The following SCFD2 variants were observed in gnomAD, a reference collection of about 807,000 sequenced individuals.
SCFD2 encodes the protein sec1 family domain-containing protein 2.
SCFD2 carries 54 observed loss-of-function variants against 58.9 expected under a neutral mutation model. That is an observed-to-expected ratio of 0.92 (90% CI 0.74 to 1.15). The LOEUF (loss-of-function observed/expected upper bound fraction) is 1.15. SCFD2 is among the 50% of genes most tolerant of loss of function. The pLI, the probability that SCFD2 is intolerant of heterozygous loss-of-function variation, is 0.00. For synonymous variants in SCFD2, 321 were observed against 335.9 expected (o/e 0.96, Z 0.49); for missense variants, 805 against 836.6 (o/e 0.96, Z 0.47).
intron 5 of SCFD2, among the ~76,000 whole-genome samples, chr4:53,050,591 C>T (rs1248569241): frequency 6.6e-6 from 1 of 152,162 alleles, no homozygotes; most frequent in Non-Finnish European, 1.5e-5. Context: ...CAGGAAAAAG[C>T]CAGGCAGATA....
chr4:53,200,318 C>A (rs1456099799), intron 4 of SCFD2, among the ~76,000 whole-genome samples: 2 of 151,872 alleles, frequency 1.3e-5, no homozygotes. Context: ...TAAACAACAG[C>A]CTCTCCTATT....
chr4:53,248,163 G>C (rs757996074), intron 4 of SCFD2, among the ~76,000 whole-genome samples: 1 of 152,182 alleles, frequency 6.6e-6, no homozygotes, highest in Non-Finnish European at 1.5e-5. Flanking sequence ...AGGGGTGACA[G>C]ACGGCACCTT....
At chr4:53,203,222 A>G (rs1474674621) in intron 4 of SCFD2, among the ~76,000 whole-genome samples, 1 of 152,176 alleles carries the variant, frequency 6.6e-6, no homozygotes, top group East Asian at 1.9e-4. Context: ...ATTTATTGAG[A>G]GATTTTAGCC....
At chr4:53,213,389 G>C (rs1232863051) in intron 4 of SCFD2, among the ~76,000 whole-genome samples, 2 of 152,002 alleles carry the variant, frequency 1.3e-5, no homozygotes, top group Admixed American at 6.6e-5. Flanking sequence ...CGTCTGACTT[G>C]ATTCATTTCT....
At chr4:53,205,362 G>A (rs1728374057) in intron 4 of SCFD2, among the ~76,000 whole-genome samples, 1 of 151,968 alleles carries the variant, frequency 6.6e-6, no homozygotes, top group Admixed American at 6.6e-5. Context: ...AAATAAAGAG[G>A]TCCAAGAAAA....
intron 5 of SCFD2, among the ~76,000 whole-genome samples, chr4:53,093,999 T>C (rs759786431): frequency 1.3e-5 from 2 of 152,170 alleles, no homozygotes; most frequent in Non-Finnish European, 2.9e-5. Flanking sequence ...ATTATTTATA[T>C]ACCTTAGTTA....
In SCFD2 at chr4:53,273,838, C is replaced by A. The variant is rs147943638; in HGVS notation, c.1299G>T (p.Arg433Ser). The A allele has an allele frequency of 1.2e-6, 2 of 1,612,466 alleles. No homozygotes were observed. Among genetic ancestry groups the A allele is most frequent in the Non-Finnish European group, 1.7e-6 (2 of 1,179,248 alleles). ...AKWDNFLAFE[R>S]LLLQSIGESA... Reference sequence around the variant, plus strand: ...CATAGCAACATACCTGAAGAAGGAGCCTTTCAAAAGCCAGAAAGTTGTCCC... The same window carrying A: ...CATAGCAACATACCTGAAGAAGGAGACTTTCAAAAGCCAGAAAGTTGTCCC... The change falls in exon 4 of 9, where the codon AGG becomes AGT. Residue 433 changes from arginine (R) to serine (S), a missense_variant. By Grantham distance (110) the Arg-to-Ser change is moderately radical. Transcript: ENST00000401642.
intron 4 of SCFD2, among the ~76,000 whole-genome samples, chr4:53,238,222 C>T (rs1729738418): frequency 7.3e-6 from 1 of 136,972 alleles, no homozygotes; most frequent in Non-Finnish European, 1.6e-5. Context: ...GCTGGCCGGG[C>T]AGAGGGGCTC....
intron 5 of SCFD2, among the ~76,000 whole-genome samples, chr4:53,062,396 A>G (rs1723541309): frequency 1.3e-5 from 2 of 150,538 alleles, no homozygotes; most frequent in Non-Finnish European, 3.0e-5. Context: ...AATAACAATA[A>G]TAATAATAAT....
rs369657309 is a variant in SCFD2 at position 53,248,229 on chromosome 4, G to A, written c.1311+25597C>T. 8.7e-3 allele frequency among the ~76,000 whole-genome samples: 1,321 copies of A among 152,308 alleles called. 21 individuals carry two copies. Among genetic ancestry groups the A allele is most frequent in the African/African-American group, 0.03 (1,237 of 41,562 alleles). On this transcript the variant is annotated intron_variant, in intron 4 of 8. Coordinates refer to ENST00000401642, the MANE Select transcript of SCFD2 (RefSeq NM_152540.4). Reference sequence around the variant, plus strand: ...CGCTTTTCTGACGGGCTTAGGAAACGGCGCACCAGGAAATTATATCCCGCA... The same window carrying A: ...CGCTTTTCTGACGGGCTTAGGAAACAGCGCACCAGGAAATTATATCCCGCA...
intron 5 of SCFD2, among the ~76,000 whole-genome samples, chr4:52,995,620 T>C (rs1006299155): frequency 4.6e-5 from 7 of 152,276 alleles, no homozygotes; most frequent in African/African-American, 1.7e-4. Flanking sequence ...TCTCCTTTCA[T>C]GTCTTTCACA....
chr4:53,000,095 G>A (rs57915428), intron 5 of SCFD2, among the ~76,000 whole-genome samples: 28,848 of 152,216 alleles, frequency 0.19, 2,914 homozygotes, highest in Middle Eastern at 0.29. Context: ...CTCACTAAAT[G>A]GTGGGACTGG....
At chr4:53,232,350 C>T (rs1027949070) in intron 4 of SCFD2, among the ~76,000 whole-genome samples, 8 of 151,960 alleles carry the variant, frequency 5.3e-5, no homozygotes, top group South Asian at 2.1e-4. Context: ...GAAAGCTCCA[C>T]GTGGAAGGGT....
intron 5 of SCFD2, among the ~76,000 whole-genome samples, chr4:52,971,163 T>C (rs1483069422): frequency 6.6e-6 from 1 of 152,082 alleles, no homozygotes; most frequent in Non-Finnish European, 1.5e-5. Flanking sequence ...CAAAGCTGGA[T>C]GGAGAATGAC....
chr4:52,899,542 T>C (rs1392474224), intron 7 of SCFD2, among the ~76,000 whole-genome samples: 2 of 152,218 alleles, frequency 1.3e-5, no homozygotes, highest in African/African-American at 4.8e-5. Flanking sequence ...TGGGCTTCCC[T>C]TTGTGGGTAA....
intron 5 of SCFD2, among the ~76,000 whole-genome samples, chr4:52,993,085 T>C (rs917173119): frequency 1.3e-5 from 2 of 152,170 alleles, no homozygotes; most frequent in Non-Finnish European, 2.9e-5. Context: ...TGTTAATCTA[T>C]AACCTTACCC....
At chr4:53,015,073 T>C (rs779130810) in intron 5 of SCFD2, among the ~76,000 whole-genome samples, 2 of 152,072 alleles carry the variant, frequency 1.3e-5, no homozygotes, top group Admixed American at 1.3e-4. Flanking sequence ...AGTCAGTGAG[T>C]CAGGAGGAGA....
At chr4:53,181,046 T>C (rs1405790131) in intron 4 of SCFD2, among the ~76,000 whole-genome samples, 2 of 152,152 alleles carry the variant, frequency 1.3e-5, no homozygotes, top group South Asian at 4.1e-4. Context: ...CAGGACCAGA[T>C]GGATTCACAG....
At chr4:52,907,273 GTATGACGC>G (rs1460712085) in intron 7 of SCFD2, among the ~76,000 whole-genome samples, 176 bp downstream of exon 7, 1 of 152,224 alleles carries the variant, frequency 6.6e-6, no homozygotes, top group Non-Finnish European at 1.5e-5. Flanking sequence ...AGAAGAAGCT[GTATGACGC>G]TAACAGGTCA....
Sources: gnomAD v4.1 joint callset for allele counts (sites outside exome capture counted in the v4.1 genomes callset) on GRCh38, gnomAD v4.1.1 for gene constraint, MANE v1.5 for transcripts, NCBI Gene and HGNC (gene_info 2026-07-23, HGNC 2026-07-21) for gene names.